AKAP13: variants seen among roughly 807,000 people sequenced by gnomAD.
AKAP13 encodes the protein A-kinase anchoring protein 13, also known as A-kinase anchor protein 13.
Under a neutral mutation model 264.5 loss-of-function variants are expected in AKAP13, and 80 were observed. The ratio of observed to expected loss-of-function variants is 0.30; its 90% confidence interval spans 0.25 to 0.36. The LOEUF is 0.36. Among genes scored for constraint, AKAP13 ranks in the 10% least tolerant of loss-of-function variants. The probability of loss-of-function intolerance (pLI) is 1.00; values close to 1 mark genes in which losing one functional copy is unlikely to be tolerated. For missense variants in AKAP13, 3,712 were observed against 3,435.2 expected (o/e 1.08, Z -2.01); for synonymous variants, 1,380 against 1,250.2 (o/e 1.10, Z -2.19).
At chr15:85,740,976 T>C in intron 34 of AKAP13, 70 bp from the exon 35 acceptor site, 1 of 1,538,822 alleles carries the variant, frequency 6.5e-7, no homozygotes, top group African/African-American at 1.4e-5. Flanking sequence ...TGCTGTGGGG[T>C]CGGGAGGGAT....
chr15:85,735,403 TTAA>T (rs1237465795), intron 31 of AKAP13, among the ~76,000 whole-genome samples, 154 bp from the exon 32 acceptor site: 3 of 152,218 alleles, frequency 2.0e-5, no homozygotes, highest in African/African-American at 7.2e-5. Flanking sequence ...CGTAAAATTA[TTAA>T]TAATCACTTA....
At chr15:85,392,543 C>T (rs1322950867) in intron 1 of AKAP13, among the ~76,000 whole-genome samples, 1 of 152,104 alleles carries the variant, frequency 6.6e-6, no homozygotes, top group African/African-American at 2.4e-5. Context: ...TAATCTTAAT[C>T]GTAAATGGGA....
At chr15:85,571,268 C>CT (rs35814250) in intron 5 of AKAP13, among the ~76,000 whole-genome samples, 16,076 of 151,158 alleles carry the variant, frequency 0.11, 1,050 homozygotes, top group East Asian at 0.21. Context: ...GACTTATGTA[C>CT]TTTTTTTTTA....
chr15:85,737,423 T>C (rs972126438), intron 33 of AKAP13, among the ~76,000 whole-genome samples: 5 of 152,324 alleles, frequency 3.3e-5, no homozygotes, highest in African/African-American at 1.2e-4. Context: ...ACATGATAAT[T>C]GCTTTTTAGA....
chr15:85,548,705 A>G (rs1013104200), intron 5 of AKAP13, among the ~76,000 whole-genome samples: 7 of 152,204 alleles, frequency 4.6e-5, no homozygotes, highest in African/African-American at 1.7e-4. Context: ...TAACTGATCA[A>G]TGAAACTCAA....
At chr15:85,611,597 A>G (rs1035875553) in intron 8 of AKAP13, among the ~76,000 whole-genome samples, 1 of 152,202 alleles carries the variant, frequency 6.6e-6, no homozygotes, top group African/African-American at 2.4e-5. Context: ...TTTCTGACTC[A>G]TCTGTCTCTA....
chr15:85,530,139 G>T (rs531739448), intron 3 of AKAP13, among the ~76,000 whole-genome samples: 2 of 152,172 alleles, frequency 1.3e-5, no homozygotes, highest in Non-Finnish European at 2.9e-5. Context: ...AAAGAGATAA[G>T]CATACTGTTG....
intron 13 of AKAP13, among the ~76,000 whole-genome samples, chr15:85,665,208 A>C (rs967422862): frequency 2.0e-5 from 3 of 152,188 alleles, no homozygotes; most frequent in African/African-American, 4.8e-5. Flanking sequence ...GTCTCCAAAA[A>C]GAAAAAAGAA....
intron 1 of AKAP13, among the ~76,000 whole-genome samples, chr15:85,442,524 T>TA (rs553536798): frequency 0.1 from 11,459 of 111,768 alleles, 875 homozygotes; most frequent in Non-Finnish European, 0.16. Flanking sequence ...ATATATTATA[T>TA]TATATATAAT....
chr15:85,522,308 A>G (rs1464506348), intron 3 of AKAP13, among the ~76,000 whole-genome samples: 1 of 152,168 alleles, frequency 6.6e-6, no homozygotes, highest in African/African-American at 2.4e-5. Context: ...GTGTTTATAT[A>G]CCTGTGTGTG....
intron 11 of AKAP13, among the ~76,000 whole-genome samples, chr15:85,657,453 T>C (rs1469955578): frequency 1.3e-5 from 2 of 152,180 alleles, no homozygotes; most frequent in Admixed American, 1.3e-4. Context: ...AATTTTTCAG[T>C]CCTCTCCATG....
At position 85,710,656 on chromosome 15, in the gene AKAP13, C is replaced by T. The variant is rs2086587487; in HGVS notation, c.5599+11C>T. 1 of 1,612,636 alleles carries T rather than the reference C, an allele frequency of 6.2e-7. No homozygotes were observed. The highest frequency in any genetic ancestry group is 1.7e-5 in the Admixed American group (1 of 59,714). The stretch of plus-strand genomic sequence containing the variant: ...TTATGAGAAACAAGCGTAAGTAGCT[C>T]AGCCCACCTCTCAATTCCCTTTCTG... On this transcript the variant is annotated intron_variant, in intron 19 of 36. Transcript: ENST00000394518.
chr15:85,735,160 G>A lies in AKAP13; in HGVS notation c.7441+10G>A, dbSNP rs1045164839. The A allele has an allele frequency of 6.2e-7, 1 of 1,611,920 alleles. No individual in the cohort carries two copies. The highest frequency in any genetic ancestry group is 1.7e-4 in the Middle Eastern group (1 of 6,010). On this transcript the variant is annotated intron_variant, in intron 31 of 36. Coordinates refer to ENST00000394518, the MANE Select transcript of AKAP13 (RefSeq NM_007200.5). ...ATGAATGCTTCAAAAGGTAAATGAT[G>A]TGAAGTCATGAGCTTTTATAGGCAA...
At position 85,580,709 on chromosome 15, in the gene AKAP13, C is replaced by G; in HGVS notation, c.2641C>G (p.Pro881Ala). The G allele has an allele frequency of 1.2e-6, 2 of 1,614,134 alleles. No individual in the cohort carries two copies. Among genetic ancestry groups the G allele is most frequent in the Non-Finnish European group, 1.7e-6 (2 of 1,180,018 alleles). The part of the protein sequence containing the change: ...EHEGPAPPAI[P>A]EALNIKGNTD... Reference sequence around the variant, plus strand: ...TGAGGGTCCCGCCCCTCCAGCAATCCCAGAAGCTCTGAATATCAAGGGGAA... The same window carrying G: ...TGAGGGTCCCGCCCCTCCAGCAATCGCAGAAGCTCTGAATATCAAGGGGAA... Residue 881 changes from proline (P) to alanine (A), a missense_variant, in exon 7 of 37, where the codon CCA becomes GCA. Pro to Ala is a conservative substitution (Grantham distance 27). Transcript: ENST00000394518.
At chr15:85,577,532 A>G (rs545707402) in intron 6 of AKAP13, among the ~76,000 whole-genome samples, 3 of 152,200 alleles carry the variant, frequency 2.0e-5, no homozygotes, top group Admixed American at 6.5e-5. Context: ...TCTAATTGCA[A>G]TATGGTCCTC....
intron 10 of AKAP13, among the ~76,000 whole-genome samples, chr15:85,650,044 C>G (rs957233941): frequency 1.3e-5 from 2 of 152,056 alleles, no homozygotes; most frequent in East Asian, 3.9e-4. Context: ...CTAAAGGGAA[C>G]ATCCTTCTTT....
At chr15:85,558,414 A>G (rs1466528511) in intron 5 of AKAP13, among the ~76,000 whole-genome samples, 1 of 152,226 alleles carries the variant, frequency 6.6e-6, no homozygotes, top group Non-Finnish European at 1.5e-5. Flanking sequence ...AAAAATACGC[A>G]AGGTCATTAG....
chr15:85,490,738 C>G (rs2075698056), intron 2 of AKAP13, among the ~76,000 whole-genome samples: 1 of 152,212 alleles, frequency 6.6e-6, no homozygotes, highest in African/African-American at 2.4e-5. Context: ...GTGCCAAGAC[C>G]TGTTCTGGAT....
At chr15:85,615,556 T>C (rs2080899263) in intron 8 of AKAP13, among the ~76,000 whole-genome samples, 1 of 152,262 alleles carries the variant, frequency 6.6e-6, no homozygotes, top group South Asian at 2.1e-4. Context: ...ATGTTTTATC[T>C]GTATTCTAAT....
Sources: gnomAD v4.1 joint callset for allele counts (sites outside exome capture counted in the v4.1 genomes callset) on GRCh38, gnomAD v4.1.1 for gene constraint, MANE v1.5 for transcripts, NCBI Gene and HGNC (gene_info 2026-07-23, HGNC 2026-07-21) for gene names.